ZSCAN32: variants seen among roughly 807,000 people sequenced by gnomAD.
ZSCAN32 encodes zinc finger and SCAN domain-containing protein 32.
ZSCAN32 carries 52 observed loss-of-function variants against 47.4 expected under a neutral mutation model. The observed-to-expected ratio is 1.10, with a 90% CI of 0.88 to 1.38. The LOEUF (loss-of-function observed/expected upper bound fraction) is 1.38, where lower values mean the gene tolerates loss of function less well. ZSCAN32 is among the 40% of genes most tolerant of loss of function. The probability of loss-of-function intolerance (pLI) is 0.00; values close to 1 mark genes in which losing one functional copy is unlikely to be tolerated. For synonymous variants in ZSCAN32, 346 were observed against 305.7 expected (o/e 1.13, Z -1.38); for missense variants, 959 against 846.0 (o/e 1.13, Z -1.66).
rs1295960784 is a variant in ZSCAN32 at position 3,383,169 on chromosome 16, T to C, written c.1777A>G (p.Ile593Val). ...GKSFNQSSSLIVHQRTHTGEK... is the reference protein window; with the variant it reads ...GKSFNQSSSLVVHQRTHTGEK... The stretch of plus-strand genomic sequence containing the variant: ...CCGGTATGGGTCCTCTGGTGGACAA[T>C]GAGGCTGGAACTCTGGTTGAAGCTT... Residue 593 changes from isoleucine (I) to valine (V), a missense_variant, in exon 7 of 7, where the codon ATT (isoleucine) becomes GTT (valine). Physicochemically the swap from Ile to Val is conservative, Grantham distance 29. Transcript: ENST00000396852. The C allele has an allele frequency of 6.2e-6, 10 of 1,614,032 alleles. No individual in the cohort carries two copies. The highest frequency in any genetic ancestry group is 1.3e-5 in the African/African-American group (1 of 74,908).
chr16:3,385,453 T>G (rs1162220718), intron 5 of ZSCAN32, among the ~76,000 whole-genome samples: 1 of 152,118 alleles, frequency 6.6e-6, no homozygotes, highest in African/African-American at 2.4e-5. Context: ...CTTTAAAGTT[T>G]ATATGGAACC....
intron 3 of ZSCAN32, among the ~76,000 whole-genome samples, chr16:3,392,460 G>A (rs1021641772): frequency 9.4e-5 from 14 of 148,632 alleles, no homozygotes; most frequent in African/African-American, 3.5e-4. Flanking sequence ...CTATCCTCCC[G>A]CTTCAGCCTC....
At chr16:3,400,741 G>T (rs1309738278) in intron 1 of ZSCAN32, among the ~76,000 whole-genome samples, 1 of 152,054 alleles carries the variant, frequency 6.6e-6, no homozygotes, top group Non-Finnish European at 1.5e-5. Context: ...TCAGGCTCGG[G>T]GTGATCCGCA....
At chr16:3,389,985 A>G in intron 5 of ZSCAN32, 25 bp downstream of exon 5, 1 of 1,590,828 alleles carries the variant, frequency 6.3e-7, no homozygotes, top group South Asian at 1.1e-5. Flanking sequence ...ATCCACCTTG[A>G]CCTGGAGGGA....
At chr16:3,383,939 C>T (rs574771718) in intron 6 of ZSCAN32, 55 of 534,722 alleles carry the variant, frequency 1.0e-4, no homozygotes, top group African/African-American at 9.1e-4. Context: ...TATCTTTTTT[C>T]GGATGTTCTG....
intron 3 of ZSCAN32, among the ~76,000 whole-genome samples, chr16:3,393,239 T>TAAA (rs372485512): frequency 5.4e-5 from 1 of 18,660 alleles, no homozygotes; most frequent in African/African-American, 4.6e-4. Flanking sequence ...AATTTATATA[T>TAAA]TTTATATATA....
rs1171174106 is a variant in ZSCAN32, at chr16:3,400,975, C to T, written c.-218G>A. ...ACCAGCACTCGCGACTCCACAAACT[C>T]CCTCAGCCTCCGGGCCGGAAGTCAG... On this transcript the variant is annotated 5_prime_UTR_variant, in exon 1 of 7. Transcript: ENST00000396852. The T allele has an allele frequency of 6.6e-6, 1 of 152,616 alleles. No homozygotes were observed. The highest frequency in any genetic ancestry group is 1.5e-5 in the Non-Finnish European group (1 of 68,212). The allele number at this position is 152,616 out of a possible 1,614,324, so 9.5% of individuals were successfully genotyped here.
intron 3 of ZSCAN32, among the ~76,000 whole-genome samples, chr16:3,392,598 C>A (rs1243023071): frequency 6.6e-6 from 1 of 152,062 alleles, no homozygotes; most frequent in Non-Finnish European, 1.5e-5. Flanking sequence ...GAGGCCGAGG[C>A]AGGTGGATCA....
At chr16:3,392,136 A>C (rs1345053760) in intron 3 of ZSCAN32, among the ~76,000 whole-genome samples, 1 of 152,238 alleles carries the variant, frequency 6.6e-6, no homozygotes, top group Non-Finnish European at 1.5e-5. Flanking sequence ...GCAGACACAA[A>C]ACGTCACATA....
chr16:3,399,042 G>A (rs2033638915), intron 1 of ZSCAN32, among the ~76,000 whole-genome samples: 1 of 152,106 alleles, frequency 6.6e-6, no homozygotes, highest in Admixed American at 6.6e-5. Flanking sequence ...CTAACAAGAT[G>A]AAACTCCGTC....
Position 3,390,432 on chromosome 16 carries a change from A to C in ZSCAN32, c.618T>G (p.Ala206=). ...ATCAACCACAGCTCACCTGGGACCCAGCTGTCCAGACCACAGCACCTGTCT... is the reference window on the plus strand; with the variant it reads ...ATCAACCACAGCTCACCTGGGACCCCGCTGTCCAGACCACAGCACCTGTCT... The part of the protein sequence containing the change: ...DQETGAVVWT[A]GSQGPAMRDN... Residue 206 remains alanine, a synonymous_variant, in exon 4 of 7, where the codon GCT becomes GCG. Coordinates refer to ENST00000396852, the MANE Select transcript of ZSCAN32 (RefSeq NM_001284527.2). 6.5e-7 allele frequency: 1 copy of C among 1,550,122 alleles called. No individual in the cohort carries two copies. Among genetic ancestry groups the C allele is most frequent in the Non-Finnish European group, 8.7e-7 (1 of 1,146,818 alleles).
chr16:3,389,663 T>A (rs908318470), intron 5 of ZSCAN32, among the ~76,000 whole-genome samples: 2 of 152,210 alleles, frequency 1.3e-5, no homozygotes, highest in African/African-American at 4.8e-5. Context: ...TACTGCTACC[T>A]GTGTGCATGA....
At position 3,395,054 on chromosome 16, in the gene ZSCAN32, G is replaced by A. The variant is rs145488494; in HGVS notation, c.367-1240C>T. 6.1e-3 allele frequency among the ~76,000 whole-genome samples: 935 copies of A among 152,324 alleles called. 5 individuals are homozygous for A. The highest frequency in any genetic ancestry group is 0.022 in the African/African-American group (897 of 41,568). ...TTGTCTGTTTCCCCCATGGACCGCGGGCTCCAGCAGGCCAGGGGCCGTGCC... is the reference window on the plus strand; with the variant it reads ...TTGTCTGTTTCCCCCATGGACCGCGAGCTCCAGCAGGCCAGGGGCCGTGCC... On this transcript the variant is annotated intron_variant, in intron 2 of 6. Coordinates refer to ENST00000396852, the MANE Select transcript of ZSCAN32 (RefSeq NM_001284527.2).
intron 2 of ZSCAN32, among the ~76,000 whole-genome samples, chr16:3,396,792 A>T (rs376154374): frequency 6.6e-6 from 1 of 152,208 alleles, no homozygotes; most frequent in African/African-American, 2.4e-5. Context: ...TGGCTCTAAT[A>T]TAATTTTGTT....
intron 3 of ZSCAN32, 128 bp downstream of exon 3, chr16:3,393,521 T>A: frequency 2.1e-6 from 2 of 934,936 alleles, no homozygotes; most frequent in Non-Finnish European, 1.5e-6. Flanking sequence ...CAACACGCCC[T>A]GCCGGTTTTT....
chr16:3,397,464 C>CAGGGCTGTTACCCTGG lies in ZSCAN32; in HGVS notation c.78_93dup (p.Asp32ProfsTer3). On this transcript the variant is annotated stop_gained and frameshift_variant, in exon 2 of 7. Coordinates refer to ENST00000396852, the MANE Select transcript of ZSCAN32 (RefSeq NM_001284527.2). LOFTEE classifies it high-confidence loss of function. ...AAGCGCTGACGGGAGGCCTCGGAGT[C>CAGGGCTGTTACCCTGG]AGGGCTGTTACCCTGGAGGGCTGAT... 1 of 1,550,736 alleles carries CAGGGCTGTTACCCTGG rather than the reference C, an allele frequency of 6.4e-7. No homozygotes were observed. The highest frequency in any genetic ancestry group is 8.7e-7 in the Non-Finnish European group (1 of 1,147,068).
chr16:3,388,835 G>T (rs1266441213), intron 5 of ZSCAN32, among the ~76,000 whole-genome samples: 1 of 152,134 alleles, frequency 6.6e-6, no homozygotes, highest in Non-Finnish European at 1.5e-5. Flanking sequence ...TGTCTGCAAA[G>T]GGCTTGCAGG....
intron 5 of ZSCAN32, among the ~76,000 whole-genome samples, chr16:3,386,613 AAAAAATGATGAGTTCATGTCCTTTGT>A (rs2032028041): frequency 6.6e-6 from 1 of 152,238 alleles, no homozygotes; most frequent in South Asian, 2.1e-4. Context: ...ATGCAACCAT[AAAAAATGATGAGTTCATGTCCTTTGT>A]AGGGACATGG....
intron 3 of ZSCAN32, 76 bp from the exon 4 acceptor site, chr16:3,390,593 C>A (rs2032568941): frequency 1.7e-6 from 2 of 1,205,386 alleles, no homozygotes; most frequent in Non-Finnish European, 2.3e-6. Context: ...AAAGTGGGCT[C>A]CTGGGCCAGC....
Sources: gnomAD v4.1 joint callset for allele counts (sites outside exome capture counted in the v4.1 genomes callset) on GRCh38, gnomAD v4.1.1 for gene constraint, MANE v1.5 for transcripts, NCBI Gene and HGNC (gene_info 2026-07-23, HGNC 2026-07-21) for gene names.